Variants in RBM19 observed in about 807,000 individuals in gnomAD.
RBM19 encodes probable RNA-binding protein 19.
RBM19 carries 94 observed loss-of-function variants against 116.8 expected under a neutral mutation model. That is an observed-to-expected ratio of 0.80 (90% confidence interval 0.68 to 0.95). The LOEUF is 0.95. Ranked by LOEUF, RBM19 falls within the 40% of genes least tolerant of loss-of-function variation. The pLI, the probability that RBM19 is intolerant of heterozygous loss-of-function variation, is 0.00. For synonymous variants in RBM19, 475 were observed against 494.1 expected (o/e 0.96, Z 0.51); for missense variants, 1,161 against 1,220.7 (o/e 0.95, Z 0.73).
chr12:113,899,289 C>G (rs985786605), intron 21 of RBM19, among the ~76,000 whole-genome samples: 1 of 152,186 alleles, frequency 6.6e-6, no homozygotes, highest in East Asian at 1.9e-4. Flanking sequence ...TGGCTCCTTA[C>G]GCAGCCCGAG....
intron 22 of RBM19, among the ~76,000 whole-genome samples, chr12:113,857,528 T>C (rs938695070): frequency 1.3e-5 from 2 of 152,208 alleles, no homozygotes; most frequent in Non-Finnish European, 2.9e-5. Flanking sequence ...CCTGCCCCGC[T>C]GTGAGGGTGA....
intron 6 of RBM19, 88 bp from the exon 7 acceptor site, chr12:113,955,299 G>A: frequency 7.7e-7 from 1 of 1,303,290 alleles, no homozygotes; most frequent in Admixed American, 1.7e-5. Context: ...TTCAGTGCCA[G>A]AGAAGGTGCC....
At chr12:113,883,689 T>C (rs1880309073) in intron 21 of RBM19, among the ~76,000 whole-genome samples, 1 of 151,352 alleles carries the variant, frequency 6.6e-6, no homozygotes, top group Admixed American at 6.6e-5. Context: ...GAGCTGGGAT[T>C]TGGACCCAGG....
In RBM19 at chr12:113,823,182, G is replaced by A. The variant is rs749586060; in HGVS notation, c.*42C>T. ...GTGCAGAAGCTGGAGCGGCTGTCCCGGTCCCCAGGGCCCCGGAGCCACACA... is the reference window on the plus strand; with the variant it reads ...GTGCAGAAGCTGGAGCGGCTGTCCCAGTCCCCAGGGCCCCGGAGCCACACA... On this transcript the variant is annotated 3_prime_UTR_variant, in exon 24 of 24. Coordinates refer to ENST00000261741, the MANE Select transcript of RBM19 (RefSeq NM_016196.4). 1.2e-5 allele frequency: 18 copies of A among 1,546,070 alleles called. No individual in the cohort carries two copies. Among genetic ancestry groups the A allele is most frequent in the Admixed American group, 1.7e-5 (1 of 58,188 alleles).
intron 8 of RBM19, 23 bp from the exon 9 acceptor site, chr12:113,950,177 G>A: frequency 6.4e-7 from 1 of 1,573,406 alleles, no homozygotes; most frequent in South Asian, 1.1e-5. Flanking sequence ...AATGACAGAG[G>A]TAAAATCTGC....
At chr12:113,965,378 G>C (rs1872789894) in intron 1 of RBM19, among the ~76,000 whole-genome samples, 1 of 151,636 alleles carries the variant, frequency 6.6e-6, no homozygotes, top group Non-Finnish European at 1.5e-5. Flanking sequence ...AATGATAAGA[G>C]AATCAACTAC....
Position 113,914,990 on chromosome 12 carries a change from C to T in RBM19, c.2537G>A (p.Arg846Gln), listed in dbSNP as rs780222955. 35 of 1,613,938 alleles carry T rather than the reference C, an allele frequency of 2.2e-5. No homozygotes were observed. Among genetic ancestry groups the T allele is most frequent in the Non-Finnish European group, 2.5e-5 (30 of 1,179,908 alleles). Residue 846 changes from arginine to glutamine, a missense_variant, in exon 21 of 24, where the codon CGG becomes CAG. Coordinates refer to ENST00000261741, the MANE Select transcript of RBM19 (RefSeq NM_016196.4). ...TCACCTGAAGAGCTCTCGGATCTCCCGGCTGTGGGCCTGGAAGGGGATGTT... is the reference window on the plus strand; with the variant it reads ...TCACCTGAAGAGCTCTCGGATCTCCTGGCTGTGGGCCTGGAAGGGGATGTT... ...VRNIPFQAHSREIRELFSTFG... is the reference protein window; with the variant it reads ...VRNIPFQAHSQEIRELFSTFG...
rs371146775 is a variant in RBM19 at position 113,870,061 on chromosome 12, A to G, written c.2559-11165T>C. Among the ~76,000 whole-genome samples the G allele has an allele frequency of 1.7e-4, 26 of 152,366 alleles. No homozygotes were observed. The East Asian group carries it at 1.9e-3, about 11-fold the overall frequency. On this transcript the variant is annotated intron_variant, in intron 21 of 23. Coordinates refer to ENST00000261741, the MANE Select transcript of RBM19 (RefSeq NM_016196.4). ...GGGGTTGCCATGAAGATGAAGTTCC[A>G]GGATCCTGGAAGGCTGAGGGTGGAA...
chr12:113,819,467 T>C (rs553630580), downstream of RBM19, among the ~76,000 whole-genome samples: 4 of 152,308 alleles, frequency 2.6e-5, no homozygotes, highest in South Asian at 8.3e-4. Flanking sequence ...GGCAGTTTCC[T>C]GCCCCCTGCA....
intron 21 of RBM19, among the ~76,000 whole-genome samples, chr12:113,881,244 G>A (rs752445209): frequency 4.3e-4 from 66 of 152,154 alleles, no homozygotes; most frequent in Non-Finnish European, 8.7e-4. Flanking sequence ...GCCATGATAC[G>A]GCCGTTGTGG....
intron 21 of RBM19, among the ~76,000 whole-genome samples, chr12:113,911,052 G>A (rs986286624): frequency 4.8e-4 from 40 of 84,044 alleles, no homozygotes; most frequent in Non-Finnish European, 7.6e-4. Flanking sequence ...ATGGGGTGGC[G>A]GTGGGGGGGG....
At chr12:113,909,425 C>T (rs908359928) in intron 21 of RBM19, among the ~76,000 whole-genome samples, 1 of 152,104 alleles carries the variant, frequency 6.6e-6, no homozygotes, top group African/African-American at 2.4e-5. Context: ...CTGGTGATGG[C>T]CATGCGGGCG....
intron 21 of RBM19, among the ~76,000 whole-genome samples, chr12:113,862,849 C>T (rs1348501756): frequency 6.6e-6 from 1 of 152,106 alleles, no homozygotes; most frequent in African/African-American, 2.4e-5. Context: ...TAAACACAGC[C>T]CTCCTTCCCT....
At chr12:113,944,091 A>ATGTTTTTTTTTTTTTTTTTTT (rs1870807179) in intron 13 of RBM19, among the ~76,000 whole-genome samples, 1 of 78,468 alleles carries the variant, frequency 1.3e-5, no homozygotes, top group Non-Finnish European at 2.3e-5. Context: ...CTCCAGATGC[A>ATGTTTTTTTTTTTTTTTTTTT]TGTTTTTTTT....
At chr12:113,902,478 A>C (rs1434080425) in intron 21 of RBM19, among the ~76,000 whole-genome samples, 3 of 152,012 alleles carry the variant, frequency 2.0e-5, no homozygotes, top group African/African-American at 7.3e-5. Context: ...GCATGCCTGT[A>C]ATCTCAGCTA....
intron 15 of RBM19, 128 bp downstream of exon 15, chr12:113,939,832 G>A (rs995177311): frequency 1.6e-5 from 15 of 941,874 alleles, no homozygotes; most frequent in Middle Eastern, 3.2e-4. Context: ...AGCCATGATC[G>A]TGACGGGCGG....
At position 113,945,856 on chromosome 12, in the gene RBM19, T is replaced by C. The variant is rs554733672; in HGVS notation, c.1598A>G (p.Asn533Ser). 6.1e-5 allele frequency: 96 copies of C among 1,582,620 alleles called. No individual in the cohort carries two copies. The South Asian group carries it at 6.1e-4, about 10-fold the overall frequency. Reference protein sequence around the residue: ...AVADAIAQKYNATKSQVFDHE... With the variant: ...AVADAIAQKYSATKSQVFDHE... ...GTCAAACACTTGACTCTTGGTGGCG[T>C]TGTACTTCTGTGCGATGGCATCGGC... Residue 533 changes from asparagine to serine, a missense_variant, in exon 13 of 24, where the codon AAC (asparagine) becomes AGC (serine). Asn to Ser is a conservative substitution (Grantham distance 46). Coordinates refer to ENST00000261741, the MANE Select transcript of RBM19 (RefSeq NM_016196.4).
intron 3 of RBM19, 47 bp from the exon 4 acceptor site, chr12:113,959,950 G>A: frequency 6.2e-7 from 1 of 1,613,768 alleles, no homozygotes; most frequent in East Asian, 2.2e-5. Context: ...GATGAAGAGA[G>A]CTGGGAAACA....
intron 21 of RBM19, among the ~76,000 whole-genome samples, chr12:113,867,572 A>G (rs1320486878): frequency 2.0e-5 from 3 of 152,216 alleles, no homozygotes; most frequent in Non-Finnish European, 1.5e-5. Flanking sequence ...AAACTGATAA[A>G]TAATATGCAT....
Sources: allele counts gnomAD v4.1 joint callset (sites outside exome capture counted in the v4.1 genomes callset), GRCh38; gene constraint gnomAD v4.1.1; transcripts MANE v1.5; gene names NCBI Gene and HGNC (gene_info 2026-07-23, HGNC 2026-07-21).